The following CPM variants were observed in gnomAD, a reference collection of about 807,000 sequenced individuals.
CPM encodes the protein renal carboxypeptidase.
In CPM, 35 loss-of-function variants were observed where a neutral mutation model predicts 46.4. The ratio of observed to expected loss-of-function variants is 0.75; its 90% CI spans 0.58 to 1.00. The LOEUF is 1.00. Among genes scored for constraint, CPM ranks in the 50% least tolerant of loss-of-function variants. The probability of loss-of-function intolerance (pLI) is 0.00; values close to 1 mark genes in which losing one functional copy is unlikely to be tolerated. For synonymous variants in CPM, 195 were observed against 195.3 expected (o/e 1.00, Z 0.01); for missense variants, 422 against 530.4 (o/e 0.80, Z 2.01).
intron 5 of CPM, chr12:68,843,366 T>C (rs1883974264): frequency 1.7e-5 from 4 of 231,104 alleles, no homozygotes; most frequent in Admixed American, 5.6e-5. Context: ...AAATAAATGA[T>C]ATTTGAGCTG....
At chr12:68,901,722 T>C (rs959992974) in intron 2 of CPM, among the ~76,000 whole-genome samples, 12 of 152,232 alleles carry the variant, frequency 7.9e-5, no homozygotes, top group Admixed American at 7.2e-4. Flanking sequence ...ATAACCTCCA[T>C]GTCTTCCTCA....
intron 6 of CPM, 98 bp downstream of exon 6, chr12:68,869,227 G>T: frequency 9.5e-7 from 1 of 1,057,770 alleles, no homozygotes; most frequent in Non-Finnish European, 1.4e-6. Context: ...GGCCTATTGT[G>T]CCTAAAGTTC....
intron 2 of CPM, among the ~76,000 whole-genome samples, chr12:68,916,365 C>T (rs1210921402): frequency 1.3e-5 from 2 of 152,094 alleles, no homozygotes; most frequent in African/African-American, 2.4e-5. Context: ...ACCATTGAAA[C>T]ATTTCTAATA....
chr12:68,908,859 A>G (rs1239950989), intron 2 of CPM, among the ~76,000 whole-genome samples: 1 of 152,174 alleles, frequency 6.6e-6, no homozygotes. Context: ...AGAGGTGAAA[A>G]TATTTGCCAC....
At chr12:68,874,644 T>C (rs1885861716) in intron 3 of CPM, among the ~76,000 whole-genome samples, 1 of 151,976 alleles carries the variant, frequency 6.6e-6, no homozygotes, top group Non-Finnish European at 1.5e-5. Flanking sequence ...AAAAGATCGT[T>C]GGTTTAAGAA....
chr12:68,926,289 A>T (rs1888257187), intron 2 of CPM, among the ~76,000 whole-genome samples: 1 of 152,182 alleles, frequency 6.6e-6, no homozygotes, highest in African/African-American at 2.4e-5. Context: ...TGTAATCAAT[A>T]TAAAACATTA....
In CPM at chr12:68,868,217, C is replaced by T. The variant is rs114861367; in HGVS notation, c.787+1108G>A. On this transcript the variant is annotated intron_variant, in intron 6 of 8. Transcript: ENST00000551568. ...GGAGAGCAGGGACGATGCAGAAGCC[C>T]TAAGGTAGGAGAGGGGGCTGTATCT... Among the ~76,000 whole-genome samples the T allele has an allele frequency of 7.2e-3, 1,101 of 152,236 alleles. 13 individuals are homozygous for T. Among genetic ancestry groups the T allele is most frequent in the African/African-American group, 0.025 (1,040 of 41,538 alleles).
chr12:68,850,704 G>A (rs1050852186), downstream of CPM: 1 of 152,122 alleles, frequency 6.6e-6, no homozygotes, highest in Non-Finnish European at 1.5e-5. Context: ...CTATATATCA[G>A]TATTTCCCAA....
intron 2 of CPM, among the ~76,000 whole-genome samples, chr12:68,929,783 A>T (rs1015231911): frequency 4.6e-5 from 7 of 152,322 alleles, no homozygotes; most frequent in African/African-American, 1.7e-4. Flanking sequence ...CATAATCAAG[A>T]GGATAGAATA....
At chr12:68,881,971 C>G (rs1886208150) in intron 3 of CPM, among the ~76,000 whole-genome samples, 1 of 150,776 alleles carries the variant, frequency 6.6e-6, no homozygotes, top group African/African-American at 2.4e-5. Context: ...ATCCACCCAC[C>G]TCAGCCTCCC....
intron 2 of CPM, among the ~76,000 whole-genome samples, chr12:68,918,533 A>C (rs905297792): frequency 6.6e-6 from 1 of 152,192 alleles, no homozygotes; most frequent in Non-Finnish European, 1.5e-5. Flanking sequence ...TCATACACTC[A>C]GTCGAGCACA....
chr12:68,858,040 A>G (rs758465032), intron 8 of CPM, among the ~76,000 whole-genome samples: 1 of 152,362 alleles, frequency 6.6e-6, no homozygotes, highest in East Asian at 1.9e-4. Flanking sequence ...GGGAGAACCC[A>G]TGGAGCATGG....
In CPM at chr12:68,867,020, C is replaced by G; in HGVS notation, c.816G>C (p.Trp272Cys). Residue 272 changes from tryptophan to cysteine, a missense_variant, in exon 7 of 9, where the codon TGG (tryptophan) becomes TGC (cysteine). Coordinates refer to ENST00000551568, the MANE Select transcript of CPM (RefSeq NM_198320.5). ...CCAACGTAATTTCAAAACACTGGGCCCAGATGTAGTTGTAATCTTGCATTC... is the reference window on the plus strand; with the variant it reads ...CCAACGTAATTTCAAAACACTGGGCGCAGATGTAGTTGTAATCTTGCATTC... ...QGGMQDYNYI[W>C]AQCFEITLEL... 1.2e-6 allele frequency: 2 copies of G among 1,614,034 alleles called. No homozygotes were observed. The highest frequency in any genetic ancestry group is 8.5e-7 in the Non-Finnish European group (1 of 1,180,002).
At chr12:68,858,447 A>G (rs1287952839) in intron 8 of CPM, among the ~76,000 whole-genome samples, 1 of 152,200 alleles carries the variant, frequency 6.6e-6, no homozygotes, top group African/African-American at 2.4e-5. Flanking sequence ...AGGGCTGCAA[A>G]ATATGTTTAT....
At position 68,950,899 on chromosome 12, in the gene CPM, T is replaced by C. The variant is rs1412423153; in HGVS notation, c.-4+12270A>G. ...TACCTTCTCCAACTTCATGTCCATC[T>C]TTCCTTGCCAACTACCTTCCCTGCA... On this transcript the variant is annotated intron_variant, in intron 1 of 8. Coordinates refer to the CPM transcript ENST00000546373. 2.0e-5 allele frequency among the ~76,000 whole-genome samples: 3 copies of C among 152,218 alleles called. No homozygotes were observed. The East Asian group carries it at 5.8e-4, about 29-fold the overall frequency.
chr12:68,926,680 T>G (rs1156385576), intron 2 of CPM, among the ~76,000 whole-genome samples: 1 of 152,286 alleles, frequency 6.6e-6, no homozygotes, highest in African/African-American at 2.4e-5. Context: ...TCATTTAGCA[T>G]TAGGTATATC....
At chr12:68,939,966 T>A (rs1246277082) in intron 1 of CPM, among the ~76,000 whole-genome samples, 1 of 152,006 alleles carries the variant, frequency 6.6e-6, no homozygotes, top group Non-Finnish European at 1.5e-5. Flanking sequence ...ATTAATAGCT[T>A]TTGCTCATTT....
intron 1 of CPM, among the ~76,000 whole-genome samples, chr12:68,958,840 A>G (rs758958782): frequency 5.9e-5 from 9 of 152,154 alleles, no homozygotes; most frequent in Non-Finnish European, 1.3e-4. Context: ...TCCCTTGGTA[A>G]CACTATGTTA....
At chr12:68,961,017 A>G (rs1476205068) in intron 1 of CPM, among the ~76,000 whole-genome samples, 1 of 152,216 alleles carries the variant, frequency 6.6e-6, no homozygotes, top group Non-Finnish European at 1.5e-5. Flanking sequence ...AGTAAAAACT[A>G]GGAAATTTGT....
Sources: allele counts gnomAD v4.1 joint callset (sites outside exome capture counted in the v4.1 genomes callset), GRCh38; gene constraint gnomAD v4.1.1; transcripts MANE v1.5; gene names NCBI Gene and HGNC (gene_info 2026-07-23, HGNC 2026-07-21).